NPSR1: variants seen among roughly 807,000 people sequenced by gnomAD.
NPSR1 encodes neuropeptide S receptor.
In NPSR1, 48 loss-of-function variants were observed where a neutral mutation model predicts 46.9. The ratio of observed to expected loss-of-function variants is 1.02; its 90% CI spans 0.81 to 1.30. The LOEUF is 1.30. Among genes scored for constraint, NPSR1 ranks in the 50% most tolerant of loss-of-function variants. The pLI, the probability that NPSR1 is intolerant of heterozygous loss-of-function variation, is 0.00. For missense variants in NPSR1, 450 were observed against 449.5 expected (o/e 1.00, Z -0.01); for synonymous variants, 176 against 168.1 (o/e 1.05, Z -0.36).
At chr7:34,711,253 C>T (rs1783269730) in intron 2 of NPSR1, 1 of 158,480 alleles carries the variant, frequency 6.3e-6, no homozygotes, top group Non-Finnish European at 1.4e-5. Flanking sequence ...AGAGAACTGC[C>T]ATGATAGATA....
intron 2 of NPSR1, among the ~76,000 whole-genome samples, chr7:34,732,079 CAAA>C (rs535991989): frequency 0.059 from 5,577 of 93,774 alleles, 116 homozygotes; most frequent in African/African-American, 0.13. Context: ...GACTTCATCT[CAAA>C]AAAAAAAAAA....
chr7:34,668,008 A>T (rs530874102), intron 1 of NPSR1, among the ~76,000 whole-genome samples: 2 of 152,108 alleles, frequency 1.3e-5, no homozygotes, highest in African/African-American at 4.8e-5. Flanking sequence ...GTTAATATTA[A>T]TGTAAAATAA....
At chr7:34,672,704 T>C (rs1223194432) in intron 1 of NPSR1, among the ~76,000 whole-genome samples, 1 of 152,192 alleles carries the variant, frequency 6.6e-6, no homozygotes, top group African/African-American at 2.4e-5. Context: ...TGAATCACTT[T>C]CCTGTACAGT....
chr7:34,675,980 A>G (rs1792294479), intron 1 of NPSR1, among the ~76,000 whole-genome samples: 1 of 152,126 alleles, frequency 6.6e-6, no homozygotes. Flanking sequence ...TATATTCTGC[A>G]ATAGTTTGGG....
intron 2 of NPSR1, chr7:34,750,862 T>TG: frequency 1.4e-6 from 1 of 700,148 alleles, no homozygotes; most frequent in Non-Finnish European, 2.7e-6. Flanking sequence ...TTGTCTTTGG[T>TG]GATGATGTAG....
intron 2 of NPSR1, among the ~76,000 whole-genome samples, chr7:34,702,962 T>C (rs1230724456): frequency 6.6e-6 from 1 of 152,230 alleles, no homozygotes; most frequent in East Asian, 1.9e-4. Context: ...AAAACCCTAG[T>C]TGACTTGCAG....
intron 4 of NPSR1, among the ~76,000 whole-genome samples, chr7:34,822,072 T>C (rs1293934530): frequency 6.6e-6 from 1 of 152,110 alleles, no homozygotes; most frequent in Non-Finnish European, 1.5e-5. Context: ...AAGCCAAGTG[T>C]ATAATGTATA....
intron 2 of NPSR1, among the ~76,000 whole-genome samples, chr7:34,697,788 A>G (rs897020272): frequency 2.8e-5 from 4 of 141,338 alleles, no homozygotes; most frequent in African/African-American, 1.0e-4. Flanking sequence ...TATAAAATCA[A>G]TCTAAGTTAA....
chr7:34,726,557 C>T lies in NPSR1; in HGVS notation c.280+41873C>T, dbSNP rs140369093. On this transcript the variant is annotated intron_variant, in intron 2 of 8. Coordinates refer to ENST00000360581, the MANE Select transcript of NPSR1 (RefSeq NM_207172.2). ...ACTCATGCCCACACAAGAATCTGCA[C>T]ATGAATGTTTATAGTAGTTATATTC... 3.3e-5 allele frequency among the ~76,000 whole-genome samples: 5 copies of T among 152,294 alleles called. No homozygotes were observed. The East Asian group carries it at 5.8e-4, about 18-fold the overall frequency.
rs1789000954 is a variant in NPSR1 at position 34,811,833 on chromosome 7, A to G, written c.448A>G (p.Ile150Val). The stretch of plus-strand genomic sequence containing the variant: ...CCTCAGCATAGACAGATACCATGCC[A>G]TCGTCTACCCCATGAAGTTCCTTCA... Reference protein sequence around the residue: ...VSLSIDRYHAIVYPMKFLQGE... With the variant: ...VSLSIDRYHAVVYPMKFLQGE... The change falls in exon 4 of 9, where the codon ATC (isoleucine) becomes GTC (valine). Residue 150 changes from isoleucine to valine, a missense_variant. Coordinates refer to ENST00000360581, the MANE Select transcript of NPSR1 (RefSeq NM_207172.2). 6 of 1,613,580 alleles carry G rather than the reference A, an allele frequency of 3.7e-6. No homozygotes were observed. Among genetic ancestry groups the G allele is most frequent in the Non-Finnish European group, 5.1e-6 (6 of 1,179,768 alleles).
chr7:34,731,383 G>A (rs140860475), intron 2 of NPSR1, among the ~76,000 whole-genome samples: 9 of 152,194 alleles, frequency 5.9e-5, no homozygotes, highest in Non-Finnish European at 4.4e-5. Context: ...ATAACAATGA[G>A]TTACCAAATT....
rs1249162813 is a variant in NPSR1, at chr7:34,827,519, C to T, written c.597C>T (p.Ala199=). 2 of 1,613,706 alleles carry T rather than the reference C, an allele frequency of 1.2e-6. No individual in the cohort carries two copies. Among genetic ancestry groups the T allele is most frequent in the South Asian group, 1.1e-5 (1 of 91,070 alleles). The change falls in exon 5 of 9, where the codon GCC becomes GCT. Residue 199 remains alanine (A), a synonymous_variant. Coordinates refer to ENST00000360581, the MANE Select transcript of NPSR1 (RefSeq NM_207172.2). ...CCAACGGTGAAGTGCAGTGCTGGGC[C>T]CTGTGGCCTGACGACTCCTACTGGA... The part of the protein sequence containing the change: ...TLSNGEVQCW[A]LWPDDSYWTP...
chr7:34,823,415 AAC>A lies in NPSR1; in HGVS notation c.479-3984_479-3983del, dbSNP rs1554336126. ...ACTTCACCAGAAAAAAAAAAAAAAA[AAC>A]AACACCATAAATGAATAGAAAATGT... On this transcript the variant is annotated intron_variant, in intron 4 of 8. Coordinates refer to ENST00000360581, the MANE Select transcript of NPSR1 (RefSeq NM_207172.2). Among the ~76,000 whole-genome samples the A allele has an allele frequency of 6.0e-3, 802 of 132,596 alleles. 54 individuals carry two copies. The highest frequency in any genetic ancestry group is 0.011 in the Middle Eastern group (3 of 264). The allele number at this position is 132,596 out of a possible 152,430, so 87.0% of individuals were successfully genotyped here.
chr7:34,695,971 G>T (rs189896517), intron 2 of NPSR1, among the ~76,000 whole-genome samples: 4 of 149,686 alleles, frequency 2.7e-5, no homozygotes, highest in Admixed American at 1.3e-4. Flanking sequence ...CAAAGGAAAT[G>T]AAATCACTAT....
At chr7:34,687,637 G>A (rs1281965613) in intron 2 of NPSR1, among the ~76,000 whole-genome samples, 1 of 152,138 alleles carries the variant, frequency 6.6e-6, no homozygotes, top group Admixed American at 6.6e-5. Flanking sequence ...ACCTCCACCT[G>A]GTCCTGCCCT....
At chr7:34,792,857 C>G (rs543979069) in intron 3 of NPSR1, among the ~76,000 whole-genome samples, 24 of 145,904 alleles carry the variant, frequency 1.6e-4, no homozygotes, top group Non-Finnish European at 3.3e-4. Context: ...GCACTTCAGC[C>G]TGGGCAACAG....
At chr7:34,748,454 G>C (rs574522695) in intron 2 of NPSR1, among the ~76,000 whole-genome samples, 1 of 152,118 alleles carries the variant, frequency 6.6e-6, no homozygotes, top group African/African-American at 2.4e-5. Flanking sequence ...TCAGGACGGG[G>C]CCAGAGCATG....
intron 5 of NPSR1, 50 bp from the exon 6 acceptor site, chr7:34,834,334 C>A (rs768395584): frequency 2.1e-6 from 3 of 1,410,172 alleles, no homozygotes; most frequent in African/African-American, 1.4e-5. Flanking sequence ...TGTGTCCTCA[C>A]AGTAGGGATC....
chr7:34,869,857 G>C (rs184665691), intron 8 of NPSR1, among the ~76,000 whole-genome samples: 8 of 151,814 alleles, frequency 5.3e-5, no homozygotes, highest in Admixed American at 5.2e-4. Flanking sequence ...GGAGACCAAG[G>C]GTGCACATCT....
Sources: gnomAD v4.1 joint callset for allele counts (sites outside exome capture counted in the v4.1 genomes callset) on GRCh38, gnomAD v4.1.1 for gene constraint, MANE v1.5 for transcripts, NCBI Gene and HGNC (gene_info 2026-07-23, HGNC 2026-07-21) for gene names.